MYH10: variants seen among roughly 807,000 people sequenced by gnomAD.
MYH10 encodes myosin-10.
A neutral mutation model predicts 257.8 loss-of-function variants in MYH10; 55 were observed. The ratio of observed to expected loss-of-function variants is 0.21; its 90% confidence interval spans 0.17 to 0.27. MYH10 has a LOEUF of 0.27. MYH10 is among the 10% of genes least tolerant of loss of function. The pLI is 1.00. For synonymous variants in MYH10, 854 were observed against 921.7 expected, an observed-to-expected ratio of 0.93 and a Z score of 1.33; for missense variants, 1,631 against 2,500.6, an observed-to-expected ratio of 0.65 and a Z score of 7.42.
intron 26 of MYH10, among the ~76,000 whole-genome samples, chr17:8,507,354 G>T (rs987073697): frequency 6.6e-6 from 1 of 152,232 alleles, no homozygotes; most frequent in Non-Finnish European, 1.5e-5. Context: ...GCACCTGCCT[G>T]CAGGCGCCTG....
intron 37 of MYH10, among the ~76,000 whole-genome samples, chr17:8,483,253 T>G (rs1914166368): frequency 6.6e-6 from 1 of 152,070 alleles, no homozygotes; most frequent in South Asian, 2.1e-4. Flanking sequence ...TATAAACATA[T>G]CAGACAAGAA....
At chr17:8,482,454 A>G (rs1913992792) in intron 37 of MYH10, among the ~76,000 whole-genome samples, 1 of 152,208 alleles carries the variant, frequency 6.6e-6, no homozygotes, top group African/African-American at 2.4e-5. Context: ...GAGGCAGCTG[A>G]CGGAATGTTC....
chr17:8,500,909 G>A lies in MYH10; in HGVS notation c.3661C>T (p.His1221Tyr), dbSNP rs753538380. Reference protein sequence around the residue: ...KKALEEETKNHEAQIQDMRQR... With the variant: ...KKALEEETKNYEAQIQDMRQR... ...CTCATGTCCTGGATTTGAGCTTCAT[G>A]GTTCTTAGTTTCCTCCTCAAGAGCT... Residue 1221 changes from histidine to tyrosine, a missense_variant, in exon 29 of 43, where the codon CAT becomes TAT. This residue lies in a region of MYH10 where 463 missense variants were observed against 621.8 expected (regional missense o/e 0.74). Transcript: ENST00000360416. 3 of 1,613,988 alleles carry A rather than the reference G, an allele frequency of 1.9e-6. No individual in the cohort carries two copies. The highest frequency in any genetic ancestry group is 2.7e-5 in the African/African-American group (2 of 74,898).
At chr17:8,553,922 T>C (rs2082714321) in intron 8 of MYH10, 33 bp downstream of exon 8, 1 of 1,564,132 alleles carries the variant, frequency 6.4e-7, no homozygotes, top group Non-Finnish European at 8.8e-7. Context: ...AATCCTTCTT[T>C]ATTTTGGATT....
Position 8,506,576 on chromosome 17 carries a change from A to G in MYH10, c.3215-87T>C. The G allele has an allele frequency of 7.2e-7, 1 of 1,395,962 alleles. No homozygotes were observed. Among genetic ancestry groups the G allele is most frequent in the Admixed American group, 2.3e-5 (1 of 44,206 alleles). 86.5% of individuals were successfully genotyped at this position (1,395,962 alleles called of 1,614,324 possible). On this transcript the variant is annotated intron_variant, in intron 26 of 42. Coordinates refer to ENST00000360416, the MANE Select transcript of MYH10 (RefSeq NM_001256012.3). This position sits in a 1 kb window ranked among gnomAD's most constrained non-coding sequence, Gnocchi z 5.0. ...AAAATACAGACTGATCCAAGTTGAA[A>G]ATAAGCCATTTTATTCAAAAGCATG...
At chr17:8,513,454 A>G in intron 23 of MYH10, 84 bp downstream of exon 23, 1 of 1,560,330 alleles carries the variant, frequency 6.4e-7, no homozygotes, top group Non-Finnish European at 8.6e-7. Flanking sequence ...AGCTATTCAT[A>G]ATGAAATGTG....
chr17:8,548,061 TCTC>T (rs949734573), intron 11 of MYH10, among the ~76,000 whole-genome samples: 7 of 151,766 alleles, frequency 4.6e-5, no homozygotes, highest in African/African-American at 1.7e-4. Context: ...GCGGCTGAGT[TCTC>T]CTCCCTCAAT....
At chr17:8,584,743 G>T (rs1275314187) in intron 4 of MYH10, among the ~76,000 whole-genome samples, 1 of 152,072 alleles carries the variant, frequency 6.6e-6, no homozygotes, top group Admixed American at 6.5e-5. Context: ...CACATAAAAA[G>T]GCTTTCTTTC....
chr17:8,502,392 G>T (rs1176176122), intron 28 of MYH10, among the ~76,000 whole-genome samples: 2 of 151,852 alleles, frequency 1.3e-5, no homozygotes, highest in African/African-American at 4.8e-5. Context: ...GTCTGGTCCT[G>T]TCCTCTGCAA....
At chr17:8,478,871 C>T (rs1913169967) in intron 40 of MYH10, among the ~76,000 whole-genome samples, 1 of 152,176 alleles carries the variant, frequency 6.6e-6, no homozygotes, top group South Asian at 2.1e-4. Context: ...GCTGGGATTA[C>T]AAGGCATGCA....
Position 8,481,304 on chromosome 17 carries a change from C to A in MYH10, c.5264+18G>T, listed in dbSNP as rs374090690. 2 of 1,612,018 alleles carry A rather than the reference C, an allele frequency of 1.2e-6. No homozygotes were observed. The highest frequency in any genetic ancestry group is 1.7e-5 in the Admixed American group (1 of 59,974). On this transcript the variant is annotated intron_variant, in intron 38 of 42. Coordinates refer to ENST00000360416, the MANE Select transcript of MYH10 (RefSeq NM_001256012.3). ...TGCCTGAGGGCGAAGAACCCACCCCCGGCCGTGGGAGACTCACTTGCCAGA... is the reference window on the plus strand; with the variant it reads ...TGCCTGAGGGCGAAGAACCCACCCCAGGCCGTGGGAGACTCACTTGCCAGA...
chr17:8,576,419 G>A (rs926823976), intron 6 of MYH10, among the ~76,000 whole-genome samples: 9 of 152,006 alleles, frequency 5.9e-5, no homozygotes, highest in African/African-American at 2.2e-4. Flanking sequence ...CATGATAAAA[G>A]GGCAAATAAA....
rs1483376432 is a variant in MYH10 at position 8,508,684 on chromosome 17, A to G, written c.3091-7T>C. ...CTTCCATGAGTTTCTTTTCCTGGAC[A>G]GGAAAAATTGACTGCTTCAGAAAAG... is the stretch of plus-strand genomic sequence containing the variant. On this transcript the variant is annotated splice_region_variant and splice_polypyrimidine_tract_variant and intron_variant, in intron 25 of 42. Coordinates refer to ENST00000360416, the MANE Select transcript of MYH10 (RefSeq NM_001256012.3). 9 of 1,613,456 alleles carry G rather than the reference A, an allele frequency of 5.6e-6. No homozygotes were observed. The highest frequency in any genetic ancestry group is 1.3e-5 in the African/African-American group (1 of 74,880).
chr17:8,607,152 C>A (rs2084843044), intron 2 of MYH10, among the ~76,000 whole-genome samples: 1 of 152,112 alleles, frequency 6.6e-6, no homozygotes, highest in Non-Finnish European at 1.5e-5. Context: ...AATTTTTGTA[C>A]AACCACCCTC....
At chr17:8,515,476 T>TTGC (rs917434888) in intron 21 of MYH10, among the ~76,000 whole-genome samples, 9 of 151,684 alleles carry the variant, frequency 5.9e-5, no homozygotes, top group African/African-American at 1.9e-4. Flanking sequence ...GATTTTATTC[T>TTGC]TGCTCCTTAC....
rs1304036818 is a variant in MYH10 at position 8,530,658 on chromosome 17, A to G, written c.1922T>C (p.Phe641Ser). 6.5e-7 allele frequency: 1 copy of G among 1,550,070 alleles called. No homozygotes were observed. The highest frequency in any genetic ancestry group is 8.7e-7 in the Non-Finnish European group (1 of 1,146,814). The stretch of plus-strand genomic sequence containing the variant: ...ATGAAGACCAGAAACACTGTCATAG[A>G]AAGAAGCTCTCTGAATATTCTGAAT... ...DEIQNIQRAS[F>S]YDSVSGLHEP... Residue 641 changes from phenylalanine to serine, a missense_variant, in exon 17 of 43, where the codon TTC becomes TCC. Coordinates refer to ENST00000360416, the MANE Select transcript of MYH10 (RefSeq NM_001256012.3).
rs1228341496 is a variant in MYH10, at chr17:8,505,987, A to AT, written c.3386+330_3386+331insA. The AT allele has an allele frequency of 1.4e-4, 25 of 183,004 alleles. 1 individual carries two copies. Among genetic ancestry groups the AT allele is most frequent in the African/African-American group, 5.9e-4 (25 of 42,712 alleles). 11.3% of individuals were successfully genotyped at this position (183,004 alleles called of 1,614,324 possible). On this transcript the variant is annotated intron_variant, in intron 27 of 42. Transcript: ENST00000360416. ...AGAGTGAGACTCCATTCAAAAAAAAAAAATAAATAAAACATACTACAGTTA... is the reference window on the plus strand; with the variant it reads ...AGAGTGAGACTCCATTCAAAAAAAAATAAATAAATAAAACATACTACAGTTA...
At position 8,521,213 on chromosome 17, in the gene MYH10, T is replaced by C; in HGVS notation, c.2030A>G (p.Lys677Arg). ...ETAFGSAYKT[K>R]KGMFRTVGQL... is the part of the protein sequence containing the mutation. ...CCCAACGGTACGAAACATGCCCTTC[T>C]TGGTTTTATATGCGGAGCCAAAAGC... Residue 677 changes from lysine to arginine, a missense_variant, in exon 18 of 43, where the codon AAG becomes AGG. This residue lies in a region of MYH10 where 96 missense variants were observed against 146.2 expected (regional missense o/e 0.66). Coordinates refer to ENST00000360416, the MANE Select transcript of MYH10 (RefSeq NM_001256012.3). The C allele has an allele frequency of 6.2e-7, 1 of 1,614,262 alleles. No individual in the cohort carries two copies. Among genetic ancestry groups the C allele is most frequent in the East Asian group, 2.2e-5 (1 of 44,896 alleles).
chr17:8,509,555 G>A (rs1258302059), intron 25 of MYH10, among the ~76,000 whole-genome samples: 1 of 152,064 alleles, frequency 6.6e-6, no homozygotes, highest in Non-Finnish European at 1.5e-5. Context: ...AGTCATCATT[G>A]AGTGACCATT....
Sources: gnomAD v4.1 joint callset for allele counts (sites outside exome capture counted in the v4.1 genomes callset) on GRCh38, gnomAD v4.1.1 for gene constraint, gnomAD v4.1.1 regional missense constraint, Gnocchi (gnomAD v3.1) non-coding constraint, MANE v1.5 for transcripts, NCBI Gene and HGNC (gene_info 2026-07-23, HGNC 2026-07-21) for gene names.